TMTC1: variants seen among roughly 807,000 people sequenced by gnomAD.
TMTC1 encodes the protein transmembrane O-mannosyltransferase targeting cadherins 1, also known as protein O-mannosyl-transferase TMTC1.
Under a neutral mutation model 104.8 loss-of-function variants are expected in TMTC1, and 73 were observed. That is an observed-to-expected ratio of 0.70 (90% CI 0.58 to 0.85). The LOEUF (loss-of-function observed/expected upper bound fraction) is 0.85, where lower values mean the gene tolerates loss of function less well. Ranked by LOEUF, TMTC1 falls within the 40% of genes least tolerant of loss-of-function variation. The pLI, the probability that TMTC1 is intolerant of heterozygous loss-of-function variation, is 0.00. For synonymous variants in TMTC1, 434 were observed against 428.7 expected, an observed-to-expected ratio of 1.01 and a Z score of -0.15; for missense variants, 1,035 against 1,096.1, an observed-to-expected ratio of 0.94 and a Z score of 0.79.
intron 5 of TMTC1, among the ~76,000 whole-genome samples, chr12:29,725,000 A>T (rs189915109): frequency 6.9e-6 from 1 of 145,614 alleles, no homozygotes; most frequent in East Asian, 2.1e-4. Context: ...GTTTAGCTAT[A>T]TATCTGCCAA....
At chr12:29,624,944 A>G (rs1937898799) in intron 6 of TMTC1, among the ~76,000 whole-genome samples, 1 of 152,220 alleles carries the variant, frequency 6.6e-6, no homozygotes, top group African/African-American at 2.4e-5. Context: ...GGTGAAAATG[A>G]AAGATCTTTC....
rs145568669 is a variant in TMTC1, at chr12:29,732,340, A to T, written c.938+19326T>A. Among the ~76,000 whole-genome samples, 1,352 of 152,314 alleles carry T rather than the reference A, an allele frequency of 8.9e-3. 6 individuals carry two copies. Among genetic ancestry groups the T allele is most frequent in the Middle Eastern group, 0.027 (8 of 294 alleles). On this transcript the variant is annotated intron_variant, in intron 5 of 17. Coordinates refer to ENST00000539277, the MANE Select transcript of TMTC1 (RefSeq NM_001193451.2). ...TGACAAGAAAGGAAAAACCATGGCA[A>T]CCAGAAACACAATGTATATTTCAGT...
intron 8 of TMTC1, among the ~76,000 whole-genome samples, chr12:29,581,923 A>G (rs893522643): frequency 5.3e-5 from 8 of 151,918 alleles, no homozygotes; most frequent in African/African-American, 1.4e-4. Context: ...AGAAAGGGGT[A>G]TGACAGGGAC....
chr12:29,565,810 G>A (rs574855537), intron 9 of TMTC1, among the ~76,000 whole-genome samples: 55 of 152,242 alleles, frequency 3.6e-4, no homozygotes, highest in African/African-American at 9.1e-4. Flanking sequence ...TCGCACCACC[G>A]CACTCCAGCT....
In TMTC1 at chr12:29,505,042, A is replaced by T. The variant is rs763675954; in HGVS notation, c.*1804T>A. The T allele has an allele frequency of 6.6e-6, 1 of 152,230 alleles. No homozygotes were observed. The highest frequency in any genetic ancestry group is 2.4e-5 in the African/African-American group (1 of 41,454). 9.4% of individuals were successfully genotyped at this position (152,230 alleles called of 1,614,324 possible). ...TTAGAAACAAATGGTTGTAGTGGTA[A>T]CATATACATTCTTGGATTACTGTTG... On this transcript the variant is annotated 3_prime_UTR_variant, in exon 18 of 18. Transcript: ENST00000539277.
intron 1 of TMTC1, among the ~76,000 whole-genome samples, chr12:29,769,862 C>T (rs1943556148): frequency 6.6e-6 from 1 of 151,942 alleles, no homozygotes; most frequent in African/African-American, 2.4e-5. Context: ...ATTCCACTTC[C>T]AGGAATTTTC....
At chr12:29,668,633 G>C (rs1940384978) in intron 5 of TMTC1, among the ~76,000 whole-genome samples, 1 of 151,790 alleles carries the variant, frequency 6.6e-6, no homozygotes, top group Admixed American at 6.6e-5. Context: ...GCTAATTTTT[G>C]TACTTTTAGT....
chr12:29,768,010 C>T lies in TMTC1; in HGVS notation c.368G>A (p.Cys123Tyr). Residue 123 changes from cysteine (C) to tyrosine (Y), a missense_variant, in exon 2 of 18, where the codon TGC (cysteine) becomes TAC (tyrosine). Coordinates refer to ENST00000539277, the MANE Select transcript of TMTC1 (RefSeq NM_001193451.2). ...YFHAVNIILHCLVTLVLMYTC... is the reference protein window; with the variant it reads ...YFHAVNIILHYLVTLVLMYTC... ...GTACATCAGCACAAGAGTCACTAAGCAGTGTAAAATTATATTTACTGCATG... is the reference window on the plus strand; with the variant it reads ...GTACATCAGCACAAGAGTCACTAAGTAGTGTAAAATTATATTTACTGCATG... 1 of 1,613,614 alleles carries T rather than the reference C, an allele frequency of 6.2e-7. No individual in the cohort carries two copies. The highest frequency in any genetic ancestry group is 2.2e-5 in the East Asian group (1 of 44,832).
At chr12:29,640,094 T>C (rs1938760466) in intron 5 of TMTC1, among the ~76,000 whole-genome samples, 1 of 152,174 alleles carries the variant, frequency 6.6e-6, no homozygotes, top group African/African-American at 2.4e-5. Context: ...CTTCAGCACC[T>C]GGGACCCATA....
At chr12:29,630,575 C>T (rs1412050191) in intron 6 of TMTC1, among the ~76,000 whole-genome samples, 1 of 152,150 alleles carries the variant, frequency 6.6e-6, no homozygotes, top group Non-Finnish European at 1.5e-5. Context: ...TTTCACTTAG[C>T]ACCATGTTCA....
At chr12:29,671,498 G>C (rs1940515228) in intron 5 of TMTC1, among the ~76,000 whole-genome samples, 1 of 152,150 alleles carries the variant, frequency 6.6e-6, no homozygotes, top group Admixed American at 6.5e-5. Context: ...AAATTACAGA[G>C]AAAATGTATT....
chr12:29,511,102 A>G (rs1241900093), intron 17 of TMTC1, among the ~76,000 whole-genome samples: 1 of 152,182 alleles, frequency 6.6e-6, no homozygotes, highest in East Asian at 1.9e-4. Context: ...AACCACCTGA[A>G]TTTAAAACTT....
In TMTC1 at chr12:29,572,188, G is replaced by A. The variant is rs746039365; in HGVS notation, c.1449C>T (p.Ala483=). 1 of 1,613,852 alleles carries A rather than the reference G, an allele frequency of 6.2e-7. No individual in the cohort carries two copies. The highest frequency in any genetic ancestry group is 8.5e-7 in the Non-Finnish European group (1 of 1,179,812). ...RSGVQTLPHN[A]KVHYNYANFL... is the part of the protein sequence containing the mutation. ...AATTGGCATAGTTGTAGTGAACCTT[G>A]GCATTGTGGGGCAGAGTTTGAACTC... Residue 483 remains alanine (A), a synonymous_variant, in exon 9 of 18, where the codon GCC becomes GCT. Transcript: ENST00000539277.
intron 5 of TMTC1, among the ~76,000 whole-genome samples, chr12:29,697,726 G>A (rs1401271742): frequency 6.6e-6 from 1 of 152,130 alleles, no homozygotes; most frequent in African/African-American, 2.4e-5. Context: ...TTTTGCAGGT[G>A]AAGTCCAAAG....
chr12:29,783,522 T>C lies in TMTC1; in HGVS notation c.230A>G (p.Asp77Gly). The change falls in exon 1 of 18, where the codon GAC (aspartate) becomes GGC (glycine). Residue 77 changes from aspartate (D) to glycine (G), a missense_variant. By Grantham distance (94) the Asp-to-Gly change is moderately conservative (BLOSUM62 -1). Coordinates refer to ENST00000539277, the MANE Select transcript of TMTC1 (RefSeq NM_001193451.2). The surrounding 1 kb of genome is among the most constrained non-coding windows in gnomAD (Gnocchi z 4.7). ...APLRWGIFTN[D>G]FWGKGMAENT... ...CTCGGCCATGCCCTTGCCCCAGAAG[T>C]CGTTGGTGAAGATGCCCCAGCGGAG... 6.9e-7 allele frequency: 1 copy of C among 1,448,786 alleles called. No homozygotes were observed. The highest frequency in any genetic ancestry group is 9.1e-7 in the Non-Finnish European group (1 of 1,099,614). 89.7% of individuals were successfully genotyped at this position (1,448,786 alleles called of 1,614,324 possible). A position where few individuals can be genotyped will look rare whatever the true frequency, so the allele number is the denominator to read the frequency against.
At chr12:29,741,716 CAAT>C (rs1250562182) in intron 5 of TMTC1, among the ~76,000 whole-genome samples, 4 of 152,156 alleles carry the variant, frequency 2.6e-5, no homozygotes, top group Non-Finnish European at 5.9e-5. Flanking sequence ...TTTTCAAAAA[CAAT>C]AATGAGGGAG....
intron 4 of TMTC1, among the ~76,000 whole-genome samples, chr12:29,753,030 A>T (rs1226103679): frequency 6.6e-6 from 1 of 152,216 alleles, no homozygotes; most frequent in Admixed American, 6.5e-5. Context: ...AAGAAATCTC[A>T]TTCCATCCAT....
At chr12:29,583,865 A>C (rs574459157) in intron 7 of TMTC1, among the ~76,000 whole-genome samples, 2 of 152,302 alleles carry the variant, frequency 1.3e-5, no homozygotes, top group South Asian at 4.1e-4. Context: ...CATCATGAGA[A>C]GTCCCACATA....
At chr12:29,765,134 T>A (rs1943433932) in intron 2 of TMTC1, among the ~76,000 whole-genome samples, 1 of 152,192 alleles carries the variant, frequency 6.6e-6, no homozygotes. Flanking sequence ...GTAGTAGTAG[T>A]CTTTGATTAT....
Sources: allele counts gnomAD v4.1 joint callset (sites outside exome capture counted in the v4.1 genomes callset), GRCh38; gene constraint gnomAD v4.1.1; non-coding constraint Gnocchi (gnomAD v3.1); transcripts MANE v1.5; gene names NCBI Gene and HGNC (gene_info 2026-07-23, HGNC 2026-07-21).